BRDT: variants seen among roughly 807,000 people sequenced by gnomAD.
The protein encoded by BRDT is bromodomain testis-specific protein.
A neutral mutation model predicts 113.9 loss-of-function variants in BRDT; 77 were observed. That is an observed-to-expected ratio of 0.68 (90% confidence interval 0.56 to 0.82). The LOEUF is 0.82. Among genes scored for constraint, BRDT ranks in the 40% least tolerant of loss-of-function variants. The pLI is 0.00. For synonymous variants in BRDT, 358 were observed against 366.5 expected (o/e 0.98, Z 0.26); for missense variants, 1,027 against 1,105.4 (o/e 0.93, Z 1.01).
intron 15 of BRDT, among the ~76,000 whole-genome samples, chr1:92,001,262 C>T (rs546031408): frequency 2.0e-5 from 3 of 152,312 alleles, no homozygotes; most frequent in Non-Finnish European, 4.4e-5. Context: ...TTTTAGTCAT[C>T]CTTACGTTCC....
Position 92,005,249 on chromosome 1 carries a change from G to A in BRDT, c.2725G>A (p.Asp909Asn), listed in dbSNP as rs1453244963. 5 of 1,587,126 alleles carry A rather than the reference G, an allele frequency of 3.2e-6. No individual in the cohort carries two copies. The highest frequency in any genetic ancestry group is 1.8e-5 in the Admixed American group (1 of 54,154). Residue 909 changes from aspartate to asparagine, a missense_variant, in exon 18 of 19, where the codon GAC (aspartate) becomes AAC (asparagine). By Grantham distance (23) the Asp-to-Asn change is conservative. Coordinates refer to ENST00000399546, the MANE Select transcript of BRDT (RefSeq NM_207189.4). ...TAAATCCAAACTCTGGCTTCTCAAA[G>A]ACCGTGATTTAGCAAGGCAGAAAGA... is the stretch of plus-strand genomic sequence containing the variant. ...QDKSKLWLLKDRDLARQKEQE... is the reference protein window; with the variant it reads ...QDKSKLWLLKNRDLARQKEQE...
intron 15 of BRDT, among the ~76,000 whole-genome samples, chr1:91,995,722 C>T (rs1686262862): frequency 1.3e-5 from 2 of 149,964 alleles, no homozygotes; most frequent in South Asian, 2.1e-4. Flanking sequence ...CTGCAACCTC[C>T]GTCTCCCAGG....
intron 7 of BRDT, among the ~76,000 whole-genome samples, chr1:91,978,798 A>G (rs867879887): frequency 1.7e-4 from 26 of 152,146 alleles, no homozygotes; most frequent in African/African-American, 5.8e-4. Context: ...TAGGAGATGG[A>G]GACCATCCTG....
In BRDT at chr1:91,994,217, GAA is replaced by G. The variant is rs1686064670; in HGVS notation, c.2254_2255del (p.Asn752HisfsTer12). 1 of 1,610,708 alleles carries G rather than the reference GAA, an allele frequency of 6.2e-7. No homozygotes were observed. Among genetic ancestry groups the G allele is most frequent in the Non-Finnish European group, 8.5e-7 (1 of 1,179,004 alleles). On this transcript the variant is annotated frameshift_variant, in exon 15 of 19. Transcript: ENST00000399546. LOFTEE classifies it high-confidence loss of function. The stretch of plus-strand genomic sequence containing the variant: ...AAGAATTAGAACATTTACAGACTGT[GAA>G]AAACATTTCACCTTTACAAATTCTG... ...YQELEHLQTVKNISPLQILPP... is the reference protein window; with the variant it reads ...YQELEHLQTVXNISPLQILPP...
intron 18 of BRDT, among the ~76,000 whole-genome samples, chr1:92,008,938 A>G (rs1195499874): frequency 6.6e-6 from 1 of 152,236 alleles, no homozygotes. Flanking sequence ...GCTACATCAA[A>G]CTAACATGTA....
In BRDT at chr1:91,977,209, ATGT is replaced by A. The variant is rs777693451; in HGVS notation, c.789_791del (p.Val264del). On this transcript the variant is annotated inframe_deletion, in exon 6 of 19. Coordinates refer to ENST00000399546, the MANE Select transcript of BRDT (RefSeq NM_207189.4). The stretch of plus-strand genomic sequence containing the variant: ...TTGCCAGATTCTCAGCAACAATATA[ATGT>A]TGTGAAGACTGTTAAAGTAACTGAA... 3.7e-6 allele frequency: 6 copies of A among 1,614,098 alleles called. No homozygotes were observed. The highest frequency in any genetic ancestry group is 1.3e-5 in the African/African-American group (1 of 75,066).
chr1:91,995,727 C>A (rs902797646), intron 15 of BRDT, among the ~76,000 whole-genome samples: 6 of 151,608 alleles, frequency 4.0e-5, no homozygotes, highest in Admixed American at 1.3e-4. Context: ...ACCTCCGTCT[C>A]CCAGGTTCAA....
At chr1:91,978,039 C>G (rs1024374987) in intron 6 of BRDT, 129 bp from the exon 7 acceptor site, 15 of 910,930 alleles carry the variant, frequency 1.6e-5, no homozygotes, top group Non-Finnish European at 2.0e-5. Flanking sequence ...TAACATTTGT[C>G]AAATCTGGAT....
At chr1:91,969,373 T>C (rs1429745436) in intron 4 of BRDT, among the ~76,000 whole-genome samples, 1 of 151,830 alleles carries the variant, frequency 6.6e-6, no homozygotes, top group Non-Finnish European at 1.5e-5. Context: ...GGTACTAATA[T>C]ATACTTTTTT....
At chr1:91,992,194 G>T in intron 13 of BRDT, 70 bp from the exon 14 acceptor site, 1 of 871,030 alleles carries the variant, frequency 1.1e-6, no homozygotes, top group East Asian at 3.2e-5. Context: ...TCTAATTTGT[G>T]AAAAAGAAAT....
At position 91,976,439 on chromosome 1, in the gene BRDT, G is replaced by A. The variant is rs752745057; in HGVS notation, c.618+1G>A. The A allele has an allele frequency of 9.1e-6, 14 of 1,535,082 alleles. No homozygotes were observed. The African/African-American group carries it at 1.8e-4, about 20-fold the overall frequency. ...CTCCAGTTCACAAACTGCGGCCCAA[G>A]TAAGTTTGTTGTAGTTTTTAAATCA... On this transcript the variant is annotated splice_donor_variant, in intron 5 of 18. Transcript: ENST00000399546. LOFTEE classifies it high-confidence loss of function.
intron 4 of BRDT, among the ~76,000 whole-genome samples, chr1:91,972,678 G>A (rs562446732): frequency 1.3e-5 from 2 of 152,248 alleles, no homozygotes; most frequent in African/African-American, 4.8e-5. Context: ...TTCTTGTGAG[G>A]GATAGAGACA....
At chr1:91,997,176 G>A (rs1363273288) in intron 15 of BRDT, among the ~76,000 whole-genome samples, 1 of 152,126 alleles carries the variant, frequency 6.6e-6, no homozygotes, top group Non-Finnish European at 1.5e-5. Context: ...TAAGTAGGAT[G>A]AGGAATGGAG....
In BRDT at chr1:92,005,216, G is replaced by C. The variant is rs1177471604; in HGVS notation, c.2692G>C (p.Ala898Pro). Residue 898 changes from alanine to proline, a missense_variant, in exon 18 of 19, where the codon GCT (alanine) becomes CCT (proline). Coordinates refer to ENST00000399546, the MANE Select transcript of BRDT (RefSeq NM_207189.4). Reference protein sequence around the residue: ...EQKEHQQSSEAQDKSKLWLLK... With the variant: ...EQKEHQQSSEPQDKSKLWLLK... The stretch of plus-strand genomic sequence containing the variant: ...GAAAGAACATCAGCAGTCATCAGAA[G>C]CTCAAGATAAATCCAAACTCTGGCT... 1 of 1,592,252 alleles carries C rather than the reference G, an allele frequency of 6.3e-7. No homozygotes were observed. Among genetic ancestry groups the C allele is most frequent in the Non-Finnish European group, 8.5e-7 (1 of 1,171,240 alleles).
intron 1 of BRDT, among the ~76,000 whole-genome samples, chr1:91,961,209 G>T (rs1343869495): frequency 6.6e-6 from 1 of 152,182 alleles, no homozygotes; most frequent in Non-Finnish European, 1.5e-5. Context: ...TACTCAGGAA[G>T]CTGAGGCAGG....
At position 91,980,992 on chromosome 1, in the gene BRDT, A is replaced by G. The variant is rs1407397464; in HGVS notation, c.1564A>G (p.Ile522Val). The G allele has an allele frequency of 3.1e-6, 5 of 1,614,102 alleles. No homozygotes were observed. Among genetic ancestry groups the G allele is most frequent in the South Asian group, 2.2e-5 (2 of 91,080 alleles). ...YDEKRQLSLN[I>V]NKLPGDKLGR... is the part of the protein sequence containing the mutation. Reference sequence around the variant, plus strand: ...TGAGAAAAGGCAGTTAAGTCTGAATATAAACAAACTCCCTGGAGATAAACT... The same window carrying G: ...TGAGAAAAGGCAGTTAAGTCTGAATGTAAACAAACTCCCTGGAGATAAACT... The change falls in exon 10 of 19, where the codon ATA becomes GTA. Residue 522 changes from isoleucine (I) to valine (V), a missense_variant. Transcript: ENST00000399546.
At chr1:91,989,012 G>C (rs1685530889) in intron 12 of BRDT, among the ~76,000 whole-genome samples, 1 of 151,718 alleles carries the variant, frequency 6.6e-6, no homozygotes, top group Non-Finnish European at 1.5e-5. Context: ...AAGGTTTTGG[G>C]ACTTCAAACT....
intron 15 of BRDT, among the ~76,000 whole-genome samples, chr1:91,994,604 C>T (rs562160693): frequency 8.5e-5 from 13 of 152,150 alleles, no homozygotes; most frequent in Admixed American, 3.3e-4. Flanking sequence ...CGGTGGCTCA[C>T]GCCTGTAATC....
At chr1:92,006,705 C>T (rs1466133805) in intron 18 of BRDT, among the ~76,000 whole-genome samples, 3 of 152,056 alleles carry the variant, frequency 2.0e-5, no homozygotes, top group South Asian at 4.2e-4. Context: ...TGACCTTAGG[C>T]AATCGCCTGC....
Sources: gnomAD v4.1 joint callset for allele counts (sites outside exome capture counted in the v4.1 genomes callset) on GRCh38, gnomAD v4.1.1 for gene constraint, MANE v1.5 for transcripts, NCBI Gene and HGNC (gene_info 2026-07-23, HGNC 2026-07-21) for gene names.